The following NUDCD3 variants were observed in gnomAD, a reference collection of about 807,000 sequenced individuals.
NUDCD3 encodes nudC domain-containing protein 3.
In NUDCD3, 13 loss-of-function variants were observed where a neutral mutation model predicts 39.7. The ratio of observed to expected loss-of-function variants is 0.33; its 90% CI spans 0.21 to 0.52. The LOEUF (loss-of-function observed/expected upper bound fraction) is 0.52. Ranked by LOEUF, NUDCD3 falls within the 20% of genes least tolerant of loss-of-function variation. The pLI is 0.96. For synonymous variants in NUDCD3, 175 were observed against 172.4 expected (o/e 1.02, Z -0.12); for missense variants, 453 against 458.1 (o/e 0.99, Z 0.10).
intron 2 of NUDCD3, among the ~76,000 whole-genome samples, chr7:44,477,688 G>A (rs1329852295): frequency 1.3e-5 from 2 of 152,160 alleles, no homozygotes; most frequent in East Asian, 3.8e-4. Context: ...ATAAGATGCT[G>A]CAGACTTTGC....
intron 2 of NUDCD3, among the ~76,000 whole-genome samples, chr7:44,470,540 A>G (rs1800233938): frequency 6.6e-6 from 1 of 152,246 alleles, no homozygotes; most frequent in African/African-American, 2.4e-5. Context: ...AAGGAGATAC[A>G]AAAACTCAGG....
At chr7:44,440,830 C>T (rs1465071366) in intron 2 of NUDCD3, among the ~76,000 whole-genome samples, 3 of 152,178 alleles carry the variant, frequency 2.0e-5, no homozygotes, top group African/African-American at 7.2e-5. Context: ...CTCATAAGCT[C>T]TTACCTAGTC....
chr7:44,455,602 G>A (rs1799876360), intron 2 of NUDCD3, among the ~76,000 whole-genome samples: 1 of 152,166 alleles, frequency 6.6e-6, no homozygotes, highest in South Asian at 2.1e-4. Context: ...TTGGGAGTGT[G>A]CATGACAGCG....
rs1798385583 is a variant in NUDCD3 at position 44,385,451 on chromosome 7, T to TTA, written c.*558_*559dup. 6.5e-6 allele frequency: 1 copy of TTA among 153,182 alleles called. No individual in the cohort carries two copies. The highest frequency in any genetic ancestry group is 1.4e-5 in the Non-Finnish European group (1 of 69,028). The allele number at this position is 153,182 out of a possible 1,614,324, so 9.5% of individuals were successfully genotyped here. On this transcript the variant is annotated 3_prime_UTR_variant, in exon 6 of 6. Transcript: ENST00000355451. ...TGAGGCTGAGGCAGGCAAAGCACAT[T>TTA]TATAAGGGGATGAGCAAGAAGACCA...
chr7:44,454,147 G>GA (rs1190276106), intron 2 of NUDCD3, among the ~76,000 whole-genome samples: 14 of 152,280 alleles, frequency 9.2e-5, no homozygotes, highest in Admixed American at 5.2e-4. Context: ...AGACCATCCT[G>GA]GCTAACACGG....
intron 4 of NUDCD3, among the ~76,000 whole-genome samples, chr7:44,393,720 C>T (rs1027504184): frequency 6.6e-6 from 1 of 152,194 alleles, no homozygotes; most frequent in Non-Finnish European, 1.5e-5. Flanking sequence ...CCACTAGGTG[C>T]TCACAGAAAG....
intron 4 of NUDCD3, among the ~76,000 whole-genome samples, chr7:44,396,039 C>T (rs1398835839): frequency 6.6e-6 from 1 of 152,112 alleles, no homozygotes; most frequent in Non-Finnish European, 1.5e-5. Flanking sequence ...CAGCGGCATA[C>T]AATGGCTCCA....
chr7:44,427,856 T>C (rs1426360472), intron 2 of NUDCD3, among the ~76,000 whole-genome samples, 153 bp from the exon 3 acceptor site: 1 of 152,108 alleles, frequency 6.6e-6, no homozygotes, highest in Non-Finnish European at 1.5e-5. Flanking sequence ...AAACTCCTCT[T>C]CTTTTCAGGT....
intron 2 of NUDCD3, among the ~76,000 whole-genome samples, chr7:44,461,714 G>T (rs1230989515): frequency 2.0e-5 from 3 of 152,120 alleles, no homozygotes; most frequent in African/African-American, 4.8e-5. Context: ...TGGTTGAAAG[G>T]GGGAGGAAAC....
chr7:44,391,855 CAG>C (rs778137808), intron 5 of NUDCD3, among the ~76,000 whole-genome samples: 3 of 152,196 alleles, frequency 2.0e-5, no homozygotes, highest in Non-Finnish European at 4.4e-5. Flanking sequence ...GCTGACATCA[CAG>C]AGTCTTCACA....
In NUDCD3 at chr7:44,427,715, T is replaced by TA; in HGVS notation, c.510-13dup. On this transcript the variant is annotated splice_polypyrimidine_tract_variant and intron_variant, in intron 2 of 5. Coordinates refer to ENST00000355451, the MANE Select transcript of NUDCD3 (RefSeq NM_015332.4). The stretch of plus-strand genomic sequence containing the variant: ...ACTGCTCCTGAATCCTGAGAAAGAA[T>TA]AAAAAATGTGATCCCAGTCAGCCAT... 4 of 1,613,102 alleles carry TA rather than the reference T, an allele frequency of 2.5e-6. No individual in the cohort carries two copies. The highest frequency in any genetic ancestry group is 3.4e-6 in the Non-Finnish European group (4 of 1,179,676).
At chr7:44,445,673 A>G (rs997655327) in intron 2 of NUDCD3, among the ~76,000 whole-genome samples, 1 of 152,220 alleles carries the variant, frequency 6.6e-6, no homozygotes, top group Non-Finnish European at 1.5e-5. Flanking sequence ...AGGTGTATCT[A>G]GACAGAAATG....
In NUDCD3 at chr7:44,490,294, C is replaced by G. The variant is rs527523935; in HGVS notation, c.192+115G>C. The stretch of plus-strand genomic sequence containing the variant: ...CTGAAGCCATTCTCACAAGCTCAAC[C>G]CCAGGACACCAGGAAAAGGAGGAAA... On this transcript the variant is annotated intron_variant, in intron 1 of 5. Transcript: ENST00000355451. 24 of 1,045,932 alleles carry G rather than the reference C, an allele frequency of 2.3e-5. No homozygotes were observed. The African/African-American group carries it at 3.6e-4, about 16-fold the overall frequency. The allele number at this position is 1,045,932 out of a possible 1,614,324, so 64.8% of individuals were successfully genotyped here. A position where few individuals can be genotyped will look rare whatever the true frequency, so the allele number is the denominator to read the frequency against.
intron 2 of NUDCD3, among the ~76,000 whole-genome samples, chr7:44,439,393 T>C (rs1271198083): frequency 6.6e-6 from 1 of 152,178 alleles, no homozygotes; most frequent in African/African-American, 2.4e-5. Context: ...ATCCATGTCC[T>C]GGCTTGGTCT....
At chr7:44,467,941 G>A in intron 2 of NUDCD3, 1 of 1,609,350 alleles carries the variant, frequency 6.2e-7, no homozygotes. Flanking sequence ...TCGTCAAAAA[G>A]AGAACCAAGA....
At position 44,384,337 on chromosome 7, in the gene NUDCD3, A is replaced by C. The variant is rs1798362787; in HGVS notation, c.*1674T>G. On this transcript the variant is annotated 3_prime_UTR_variant, in exon 6 of 6. Transcript: ENST00000355451. ...AAAAAAATGACAAGTCTTTCTCAGG[A>C]CCCCTCATAGATGACAAGAATTCTG... 1 of 152,012 alleles carries C rather than the reference A, an allele frequency of 6.6e-6. No individual in the cohort carries two copies. The highest frequency in any genetic ancestry group is 1.9e-4 in the East Asian group (1 of 5,184). The allele number at this position is 152,012 out of a possible 1,614,324, so 9.4% of individuals were successfully genotyped here. A position where few individuals can be genotyped will look rare whatever the true frequency, so the allele number is the denominator to read the frequency against.
intron 1 of NUDCD3, among the ~76,000 whole-genome samples, chr7:44,487,477 T>C (rs2116988150): frequency 6.7e-6 from 1 of 148,914 alleles, no homozygotes; most frequent in South Asian, 2.1e-4. Context: ...AAAAAAACCC[T>C]AAGAGGCAGA....
At chr7:44,433,126 G>A (rs1046326940) in intron 2 of NUDCD3, among the ~76,000 whole-genome samples, 1 of 152,124 alleles carries the variant, frequency 6.6e-6, no homozygotes, top group Non-Finnish European at 1.5e-5. Flanking sequence ...CAGGAAGCAG[G>A]GCCTCCCCAG....
intron 4 of NUDCD3, among the ~76,000 whole-genome samples, chr7:44,398,981 G>A (rs1798673881): frequency 6.6e-6 from 1 of 152,200 alleles, no homozygotes; most frequent in African/African-American, 2.4e-5. Flanking sequence ...ATTTTTTTAA[G>A]CTTGAAAATT....
Sources: gnomAD v4.1 joint callset for allele counts (sites outside exome capture counted in the v4.1 genomes callset) on GRCh38, gnomAD v4.1.1 for gene constraint, MANE v1.5 for transcripts, NCBI Gene and HGNC (gene_info 2026-07-23, HGNC 2026-07-21) for gene names.